RALGPS2: variants seen among roughly 807,000 people sequenced by gnomAD.
RALGPS2 encodes ras-specific guanine nucleotide-releasing factor RalGPS2.
A neutral mutation model predicts 86.8 loss-of-function variants in RALGPS2; 43 were observed. That is an observed-to-expected ratio of 0.50 (90% confidence interval 0.39 to 0.64). The LOEUF is 0.64. Among genes scored for constraint, RALGPS2 ranks in the 30% least tolerant of loss-of-function variants. RALGPS2 has a pLI of 0.00. For synonymous variants in RALGPS2, 243 were observed against 231.3 expected (o/e 1.05, Z -0.46); for missense variants, 536 against 694.6 (o/e 0.77, Z 2.57).
chr1:178,785,667 G>A (rs1347397315), intron 4 of RALGPS2, 60 bp downstream of exon 4: 5 of 1,505,194 alleles, frequency 3.3e-6, no homozygotes, highest in East Asian at 4.9e-5. Context: ...CAAATTAAGT[G>A]TTTTAGAAAT....
chr1:178,726,518 G>A (rs1028953002), intron 1 of RALGPS2, among the ~76,000 whole-genome samples: 6 of 151,268 alleles, frequency 4.0e-5, no homozygotes, highest in African/African-American at 1.5e-4. Context: ...TGGAGGAGGG[G>A]CAATTGAAAT....
At chr1:178,812,579 C>T (rs1655033698) in intron 6 of RALGPS2, among the ~76,000 whole-genome samples, 2 of 152,148 alleles carry the variant, frequency 1.3e-5, no homozygotes, top group Admixed American at 1.3e-4. Context: ...GAATAGCTAT[C>T]TCAAAATATG....
At chr1:178,830,537 A>C (rs1315508813) in intron 7 of RALGPS2, among the ~76,000 whole-genome samples, 1 of 152,180 alleles carries the variant, frequency 6.6e-6, no homozygotes, top group Admixed American at 6.5e-5. Flanking sequence ...TTGGGGGAAA[A>C]AATGAAATCA....
chr1:178,744,892 T>C (rs1175766154), intron 1 of RALGPS2, among the ~76,000 whole-genome samples: 1 of 152,010 alleles, frequency 6.6e-6, no homozygotes, highest in Non-Finnish European at 1.5e-5. Context: ...TTCTTTGTAG[T>C]TGACATGATT....
intron 8 of RALGPS2, among the ~76,000 whole-genome samples, chr1:178,846,359 T>C (rs1656864650): frequency 6.6e-6 from 1 of 152,174 alleles, no homozygotes; most frequent in African/African-American, 2.4e-5. Context: ...CCTATTCTTT[T>C]AATTATATGT....
At chr1:178,772,671 A>G (rs1422965072) in intron 1 of RALGPS2, among the ~76,000 whole-genome samples, 1 of 152,244 alleles carries the variant, frequency 6.6e-6, no homozygotes, top group East Asian at 1.9e-4. Context: ...ACAGTTTACA[A>G]ATGAATCAGC....
At chr1:178,880,598 G>A (rs1470516832) in intron 10 of RALGPS2, among the ~76,000 whole-genome samples, 1 of 152,014 alleles carries the variant, frequency 6.6e-6, no homozygotes, top group Non-Finnish European at 1.5e-5. Context: ...TCTAATTACT[G>A]ACATAGAACT....
intron 1 of RALGPS2, among the ~76,000 whole-genome samples, chr1:178,770,274 T>C (rs12145467): frequency 0.045 from 6,870 of 151,494 alleles, 157 homozygotes; most frequent in Non-Finnish European, 0.057. Context: ...TCCACCCACC[T>C]CGGCCTCCCC....
chr1:178,917,092 T>C lies in RALGPS2; in HGVS notation c.*733T>C, dbSNP rs2102428928. ...AGGAGGTACAAAGGCTGTGTGTTCA[T>C]TTGCCAGACGCTTTTTTTTTAAATA... On this transcript the variant is annotated 3_prime_UTR_variant, in exon 20 of 20. Transcript: ENST00000367635. 1 of 152,306 alleles carries C rather than the reference T, an allele frequency of 6.6e-6. No homozygotes were observed. The allele number at this position is 152,306 out of a possible 1,614,324, so 9.4% of individuals were successfully genotyped here.
At chr1:178,731,871 A>G (rs1402208748) in intron 1 of RALGPS2, among the ~76,000 whole-genome samples, 1 of 152,096 alleles carries the variant, frequency 6.6e-6, no homozygotes, top group African/African-American at 2.4e-5. Context: ...GGGCAATACA[A>G]TCCATTACTG....
chr1:178,836,446 G>A (rs141446986), intron 8 of RALGPS2, among the ~76,000 whole-genome samples: 11 of 151,836 alleles, frequency 7.2e-5, no homozygotes, highest in East Asian at 5.8e-4. Context: ...CACTCTCACC[G>A]TGTAGTTCTG....
At chr1:178,876,727 A>G (rs1659020332) in intron 8 of RALGPS2, among the ~76,000 whole-genome samples, 1 of 152,198 alleles carries the variant, frequency 6.6e-6, no homozygotes, top group Non-Finnish European at 1.5e-5. Context: ...AATACATTTC[A>G]CATGTGCATT....
chr1:178,872,327 G>A (rs1477658151), intron 8 of RALGPS2, among the ~76,000 whole-genome samples: 1 of 152,118 alleles, frequency 6.6e-6, no homozygotes, highest in African/African-American at 2.4e-5. Flanking sequence ...GCAAACACAA[G>A]GGCCTAGAAA....
intron 8 of RALGPS2, among the ~76,000 whole-genome samples, chr1:178,874,763 T>G (rs1270997788): frequency 6.6e-6 from 1 of 152,130 alleles, no homozygotes; most frequent in Admixed American, 6.5e-5. Flanking sequence ...TATTATGTTG[T>G]TTGATAACAA....
At chr1:178,784,779 G>A (rs1225822880) in intron 3 of RALGPS2, among the ~76,000 whole-genome samples, 1 of 151,870 alleles carries the variant, frequency 6.6e-6, no homozygotes, top group Non-Finnish European at 1.5e-5. Context: ...TTACCATTAT[G>A]GTAATTGCTG....
At position 178,917,351 on chromosome 1, in the gene RALGPS2, C is replaced by T. The variant is rs1660848168; in HGVS notation, c.*992C>T. The T allele has an allele frequency of 6.6e-6, 1 of 152,090 alleles. No individual in the cohort carries two copies. 9.4% of individuals were successfully genotyped at this position (152,090 alleles called of 1,614,324 possible). On this transcript the variant is annotated 3_prime_UTR_variant, in exon 20 of 20. Transcript: ENST00000367635. Reference sequence around the variant, plus strand: ...TATTTTGTCAGGATATTTTCTTTTACAGTGTTTGATGTGCATAATGCCAGA... The same window carrying T: ...TATTTTGTCAGGATATTTTCTTTTATAGTGTTTGATGTGCATAATGCCAGA...
At chr1:178,854,768 A>C (rs945030376) in intron 8 of RALGPS2, among the ~76,000 whole-genome samples, 1 of 152,074 alleles carries the variant, frequency 6.6e-6, no homozygotes, top group Non-Finnish European at 1.5e-5. Context: ...ATTTGCCCTC[A>C]TGTTATTTCA....
chr1:178,849,523 T>C lies in RALGPS2; in HGVS notation c.607+15973T>C, dbSNP rs371041786. Reference sequence around the variant, plus strand: ...TTTTGGGTGTTTAAATGAAATGATATACTGCTTTCAATAACTGAGAAGCCT... The same window carrying C: ...TTTTGGGTGTTTAAATGAAATGATACACTGCTTTCAATAACTGAGAAGCCT... On this transcript the variant is annotated intron_variant, in intron 8 of 19. Transcript: ENST00000367635. 3.3e-5 allele frequency among the ~76,000 whole-genome samples: 5 copies of C among 152,364 alleles called. No individual in the cohort carries two copies. In the East Asian group the frequency reaches 7.7e-4, roughly 23 times the overall value.
intron 18 of RALGPS2, among the ~76,000 whole-genome samples, chr1:178,902,765 G>T (rs1660230475): frequency 6.6e-6 from 1 of 152,012 alleles, no homozygotes. Context: ...TATTTATTTA[G>T]ATGTATTTTA....
Sources: gnomAD v4.1 joint callset for allele counts (sites outside exome capture counted in the v4.1 genomes callset) on GRCh38, gnomAD v4.1.1 for gene constraint, MANE v1.5 for transcripts, NCBI Gene and HGNC (gene_info 2026-07-23, HGNC 2026-07-21) for gene names.